The following TMEM178A variants were observed in gnomAD, a reference collection of about 807,000 sequenced individuals.
TMEM178A encodes transmembrane protein 178A.
A neutral mutation model predicts 29.1 loss-of-function variants in TMEM178A; 12 were observed. That is an observed-to-expected ratio of 0.41 (90% confidence interval 0.26 to 0.67). The LOEUF (loss-of-function observed/expected upper bound fraction) is 0.67. Among genes scored for constraint, TMEM178A ranks in the 30% least tolerant of loss-of-function variants. TMEM178A has a pLI of 0.29. For synonymous variants in TMEM178A, 210 were observed against 187.2 expected (o/e 1.12, Z -0.99); for missense variants, 366 against 419.1 (o/e 0.87, Z 1.11).
At chr2:39,700,710 C>G (rs1248773818) in intron 1 of TMEM178A, among the ~76,000 whole-genome samples, 2 of 151,632 alleles carry the variant, frequency 1.3e-5, no homozygotes, top group South Asian at 2.1e-4. Flanking sequence ...TTTCTATTTG[C>G]TTTCTATATG....
intron 1 of TMEM178A, among the ~76,000 whole-genome samples, chr2:39,697,332 T>A (rs1228257587): frequency 6.6e-6 from 1 of 152,192 alleles, no homozygotes; most frequent in Admixed American, 6.5e-5. Context: ...CCTCTTCAAA[T>A]CTATCTGACT....
In TMEM178A at chr2:39,710,160, G is replaced by GGCAA. The variant is rs1440672781; in HGVS notation, c.652+2975_652+2978dup. On this transcript the variant is annotated intron_variant, in intron 3 of 3. Transcript: ENST00000281961. ...ACGGGAAGCTCCTGTGTAATTGTTA[G>GGCAA]GCAACATCAAAATATGCAAAGCAAT... is the stretch of plus-strand genomic sequence containing the variant. Among the ~76,000 whole-genome samples the GGCAA allele has an allele frequency of 3.9e-5, 6 of 152,140 alleles. No homozygotes were observed. The East Asian group carries it at 1.2e-3, about 30-fold the overall frequency.
chr2:39,679,048 A>C (rs769033477), intron 1 of TMEM178A, among the ~76,000 whole-genome samples: 2 of 152,178 alleles, frequency 1.3e-5, no homozygotes, highest in Non-Finnish European at 2.9e-5. Flanking sequence ...CTGCAGAATT[A>C]ATTGCTGTAT....
chr2:39,687,619 G>A (rs748356774), intron 1 of TMEM178A, among the ~76,000 whole-genome samples: 1 of 152,196 alleles, frequency 6.6e-6, no homozygotes, highest in East Asian at 1.9e-4. Flanking sequence ...TGAAAACCAA[G>A]CAGGGAAAGG....
rs150880686 is a variant in TMEM178A, at chr2:39,668,252, T to A, written c.400+1878T>A. On this transcript the variant is annotated intron_variant, in intron 1 of 3. Coordinates refer to ENST00000281961, the MANE Select transcript of TMEM178A (RefSeq NM_152390.3). The stretch of plus-strand genomic sequence containing the variant: ...GTTGTTCAAATTCCCTTCTACAATC[T>A]TTCTGACAAATGGTTGTCTAGCCCA... Among the ~76,000 whole-genome samples the A allele has an allele frequency of 2.8e-3, 429 of 152,362 alleles. 1 individual carries two copies. Among genetic ancestry groups the A allele is most frequent in the African/African-American group, 9.7e-3 (403 of 41,592 alleles).
At chr2:39,682,865 G>A (rs1670925587) in intron 1 of TMEM178A, among the ~76,000 whole-genome samples, 1 of 152,184 alleles carries the variant, frequency 6.6e-6, no homozygotes, top group African/African-American at 2.4e-5. Flanking sequence ...GTGTCCAGAT[G>A]ACTGACAGGT....
intron 2 of TMEM178A, among the ~76,000 whole-genome samples, chr2:39,704,821 T>C (rs1671953580): frequency 6.6e-6 from 1 of 152,236 alleles, no homozygotes; most frequent in South Asian, 2.1e-4. Flanking sequence ...TACTGTGAAT[T>C]TTTTTGGTCT....
Position 39,666,310 on chromosome 2 carries a change from G to A in TMEM178A, c.336G>A (p.Ser112=). The A allele has an allele frequency of 6.9e-7, 1 of 1,444,530 alleles. No individual in the cohort carries two copies. Among genetic ancestry groups the A allele is most frequent in the East Asian group, 3.1e-5 (1 of 32,440 alleles). The allele number at this position is 1,444,530 out of a possible 1,614,324, so 89.5% of individuals were successfully genotyped here. The change falls in exon 1 of 4, where the codon TCG becomes TCA. Residue 112 remains serine, a synonymous_variant. Transcript: ENST00000281961. ...ECGRPLFATY[S]GLWRKCYFLG... ...GCCGGCCCCTCTTCGCCACCTACTCGGGCCTCTGGAGGAAGTGCTACTTCC... is the reference window on the plus strand; with the variant it reads ...GCCGGCCCCTCTTCGCCACCTACTCAGGCCTCTGGAGGAAGTGCTACTTCC...
intron 1 of TMEM178A, among the ~76,000 whole-genome samples, chr2:39,680,747 A>C (rs1048989093): frequency 3.3e-5 from 5 of 151,294 alleles, no homozygotes; most frequent in African/African-American, 1.2e-4. Context: ...TGAAAGAAAA[A>C]AACATGCTTT....
chr2:39,729,439 C>T, the TMEM178A span, among the ~76,000 whole-genome samples: 1 of 152,164 alleles, frequency 6.6e-6, no homozygotes, highest in South Asian at 2.1e-4. Context: ...CTGGTTTCTG[C>T]CTTGGAGAGG....
chr2:39,684,373 C>A (rs909382693), intron 1 of TMEM178A, among the ~76,000 whole-genome samples: 12 of 152,034 alleles, frequency 7.9e-5, no homozygotes, highest in African/African-American at 2.9e-4. Flanking sequence ...TGTTATCCTG[C>A]CAGTTAGTTA....
the TMEM178A span, among the ~76,000 whole-genome samples, chr2:39,734,055 C>CAATCT: frequency 1.3e-5 from 2 of 152,112 alleles, no homozygotes; most frequent in East Asian, 3.9e-4. Context: ...CACTCTTTAC[C>CAATCT]AATCTACTAC....
At chr2:39,734,011 C>A in the TMEM178A span, among the ~76,000 whole-genome samples, 89 of 152,100 alleles carry the variant, frequency 5.9e-4, no homozygotes, top group Non-Finnish European at 1.0e-3. Context: ...AAAAAAGCTG[C>A]TACTTCTCCC....
the TMEM178A span, among the ~76,000 whole-genome samples, chr2:39,731,068 C>G: frequency 6.6e-6 from 1 of 152,202 alleles, no homozygotes; most frequent in Non-Finnish European, 1.5e-5. Flanking sequence ...TCTTGTCTCA[C>G]TGTCATCCCT....
At chr2:39,676,485 G>A (rs1204626351) in intron 1 of TMEM178A, among the ~76,000 whole-genome samples, 1 of 152,194 alleles carries the variant, frequency 6.6e-6, no homozygotes, top group Admixed American at 6.5e-5. Flanking sequence ...TACAATAAAT[G>A]TAATTTCCCA....
At position 39,666,172 on chromosome 2, in the gene TMEM178A, G is replaced by A. The variant is rs1374225151; in HGVS notation, c.198G>A (p.Pro66=). 6.7e-6 allele frequency: 10 copies of A among 1,481,768 alleles called. No individual in the cohort carries two copies. Among genetic ancestry groups the A allele is most frequent in the African/African-American group, 4.4e-5 (3 of 68,392 alleles). The allele number at this position is 1,481,768 out of a possible 1,614,324, so 91.8% of individuals were successfully genotyped here. Reference sequence around the variant, plus strand: ...GCCTGATGCCGCTGTCGCACCTGCCGCTGCGGGACTCGCCCCCGCTGGGGC... The same window carrying A: ...GCCTGATGCCGCTGTCGCACCTGCCACTGCGGGACTCGCCCCCGCTGGGGC... ...KNRLMPLSHL[P]LRDSPPLGRR... The change falls in exon 1 of 4, where the codon CCG becomes CCA. Residue 66 remains proline, a synonymous_variant. Coordinates refer to ENST00000281961, the MANE Select transcript of TMEM178A (RefSeq NM_152390.3).
At chr2:39,725,898 CAT>C in the TMEM178A span, among the ~76,000 whole-genome samples, 1 of 152,168 alleles carries the variant, frequency 6.6e-6, no homozygotes, top group Non-Finnish European at 1.5e-5. Context: ...AACAAAGACA[CAT>C]GTGGTCAAAT....
intron 1 of TMEM178A, among the ~76,000 whole-genome samples, chr2:39,683,410 G>A (rs1330086865): frequency 2.0e-5 from 3 of 152,142 alleles, no homozygotes; most frequent in Non-Finnish European, 2.9e-5. Flanking sequence ...AGTCTCACAT[G>A]GGGCTCTCCT....
chr2:39,677,437 T>A (rs1354179471), intron 1 of TMEM178A, among the ~76,000 whole-genome samples: 7 of 152,206 alleles, frequency 4.6e-5, no homozygotes, highest in Non-Finnish European at 7.3e-5. Flanking sequence ...AGCAAATCAC[T>A]CCTTGCTATT....
Sources: gnomAD v4.1 joint callset for allele counts (sites outside exome capture counted in the v4.1 genomes callset) on GRCh38, gnomAD v4.1.1 for gene constraint, MANE v1.5 for transcripts, NCBI Gene and HGNC (gene_info 2026-07-23, HGNC 2026-07-21) for gene names.